ABLIM1: variants seen among roughly 807,000 people sequenced by gnomAD.
ABLIM1 encodes actin binding LIM protein 1.
In ABLIM1, 40 loss-of-function variants were observed where a neutral mutation model predicts 107.0. That is an observed-to-expected ratio of 0.37 (90% CI 0.29 to 0.49). The LOEUF (loss-of-function observed/expected upper bound fraction) is 0.49, where lower values mean the gene tolerates loss of function less well. Among genes scored for constraint, ABLIM1 ranks in the 20% least tolerant of loss-of-function variants. The pLI is 0.97. For missense variants in ABLIM1, 857 were observed against 1,008.5 expected, an observed-to-expected ratio of 0.85 and a Z score of 2.04; for synonymous variants, 357 against 357.3, an observed-to-expected ratio of 1.00 and a Z score of 0.01.
At chr10:114,728,342 C>T (rs1017447049) in intron 1 of ABLIM1, among the ~76,000 whole-genome samples, 2 of 152,022 alleles carry the variant, frequency 1.3e-5, no homozygotes, top group Admixed American at 6.6e-5. Context: ...TGCACAAATC[C>T]GAAACCCCAA....
the ABLIM1 span, among the ~76,000 whole-genome samples, chr10:114,773,758 A>G: frequency 6.6e-6 from 1 of 152,092 alleles, no homozygotes; most frequent in Non-Finnish European, 1.5e-5. Context: ...TTGCATGAAC[A>G]GCAAAAATAT....
intron 7 of ABLIM1, 129 bp from the exon 8 acceptor site, chr10:114,488,145 C>A: frequency 1.0e-6 from 1 of 966,392 alleles, no homozygotes; most frequent in Non-Finnish European, 1.6e-6. Flanking sequence ...GCTTTATGTC[C>A]AAGTGAATCA....
chr10:114,745,017 C>T (rs190764435), intron 1 of ABLIM1, among the ~76,000 whole-genome samples: 15 of 152,222 alleles, frequency 9.9e-5, no homozygotes, highest in Non-Finnish European at 2.1e-4. Flanking sequence ...AGAAACAGCA[C>T]CACAACCCCC....
chr10:114,747,662 C>A (rs928007650), intron 1 of ABLIM1, among the ~76,000 whole-genome samples: 1 of 152,226 alleles, frequency 6.6e-6, no homozygotes, highest in Non-Finnish European at 1.5e-5. Flanking sequence ...TGCAAGTATA[C>A]AAATGATCCA....
intron 18 of ABLIM1, 70 bp from the exon 19 acceptor site, chr10:114,441,147 A>T (rs929980101): frequency 6.8e-7 from 1 of 1,461,872 alleles, no homozygotes; most frequent in Non-Finnish European, 9.2e-7. Flanking sequence ...GAAAAGGAAG[A>T]AAGAGTTTAC....
At chr10:114,458,768 C>T (rs1415134040) in intron 12 of ABLIM1, among the ~76,000 whole-genome samples, 4 of 152,194 alleles carry the variant, frequency 2.6e-5, no homozygotes, top group Non-Finnish European at 5.9e-5. Flanking sequence ...CCAATTTATA[C>T]TTCATGGACA....
At chr10:114,780,738 GC>G in the ABLIM1 span, among the ~76,000 whole-genome samples, 1 of 152,142 alleles carries the variant, frequency 6.6e-6, no homozygotes, top group Non-Finnish European at 1.5e-5. Context: ...ACAGGTCAAA[GC>G]TTTCTTACTT....
At chr10:114,513,785 T>G (rs1169450135) in intron 6 of ABLIM1, among the ~76,000 whole-genome samples, 1 of 152,236 alleles carries the variant, frequency 6.6e-6, no homozygotes, top group Non-Finnish European at 1.5e-5. Context: ...AAGGTGTCGA[T>G]GCCAACACTA....
At chr10:114,463,248 T>C (rs2064335406) in intron 12 of ABLIM1, 1 of 1,182,454 alleles carries the variant, frequency 8.5e-7, no homozygotes, top group African/African-American at 1.6e-5. Context: ...GAAAGTGCCA[T>C]CGTTCCAAGG....
At chr10:114,488,112 C>T in intron 7 of ABLIM1, 96 bp from the exon 8 acceptor site, 1 of 1,275,622 alleles carries the variant, frequency 7.8e-7, no homozygotes, top group Non-Finnish European at 1.1e-6. Flanking sequence ...ATCCCTCTTT[C>T]CCCATCATAG....
chr10:114,680,526 C>A (rs1397442941), intron 1 of ABLIM1, among the ~76,000 whole-genome samples: 1 of 152,176 alleles, frequency 6.6e-6, no homozygotes, highest in Non-Finnish European at 1.5e-5. Flanking sequence ...AATCCCCAAT[C>A]CTCTGTGGCT....
the ABLIM1 span, among the ~76,000 whole-genome samples, chr10:114,788,746 C>CAAACA: frequency 5.4e-4 from 81 of 151,278 alleles, no homozygotes; most frequent in African/African-American, 1.9e-3. Context: ...AACAAACAAA[C>CAAACA]AAACAAAACA....
Position 114,602,563 on chromosome 10 carries a change from C to T in ABLIM1, c.245-602G>A, listed in dbSNP as rs149618051. 3.9e-5 allele frequency among the ~76,000 whole-genome samples: 6 copies of T among 152,328 alleles called. No homozygotes were observed. The East Asian group carries it at 1.2e-3, about 29-fold the overall frequency. ...CGATCATAAATGGCAACTCATCTAA[C>T]CTGTTGCAGGCCTATGATGAGCCTC... On this transcript the variant is annotated intron_variant, in intron 1 of 22. Coordinates refer to ENST00000533213, the MANE Select transcript of ABLIM1 (RefSeq NM_002313.7).
At position 114,488,001 on chromosome 10, in the gene ABLIM1, T is replaced by A; in HGVS notation, c.998A>T (p.His333Leu). ...CTTCGTAGATTGCTTACAGTCGGGATGCCAAACGGTGGAGCCTGAGAAGAC... is the reference window on the plus strand; with the variant it reads ...CTTCGTAGATTGCTTACAGTCGGGAAGCCAAACGGTGGAGCCTGAGAAGAC... ...EMYLQGSTVW[H>L]PDCKQSTKTE... The change falls in exon 8 of 23, where the codon CAT (histidine) becomes CTT (leucine). Residue 333 changes from histidine to leucine, a missense_variant. Around this residue, in one of 5 missense-constraint regions of ABLIM1, gnomAD observed 381 missense variants for 506.9 expected, o/e 0.75. Transcript: ENST00000533213. The A allele has an allele frequency of 6.2e-7, 1 of 1,614,188 alleles. No individual in the cohort carries two copies. Among genetic ancestry groups the A allele is most frequent in the Non-Finnish European group, 8.5e-7 (1 of 1,180,028 alleles).
At chr10:114,486,013 G>C (rs1028997330) in intron 8 of ABLIM1, among the ~76,000 whole-genome samples, 1 of 152,182 alleles carries the variant, frequency 6.6e-6, no homozygotes, top group Admixed American at 6.5e-5. Context: ...GTGACCCAGA[G>C]CACTGTCCTG....
intron 1 of ABLIM1, among the ~76,000 whole-genome samples, chr10:114,709,644 T>A (rs1186387912): frequency 6.6e-6 from 1 of 150,976 alleles, no homozygotes; most frequent in Non-Finnish European, 1.5e-5. Flanking sequence ...GGCGAAAGGT[T>A]CTTTTCTCTA....
chr10:114,461,753 A>G (rs777148431), intron 12 of ABLIM1, among the ~76,000 whole-genome samples: 1 of 152,122 alleles, frequency 6.6e-6, no homozygotes, highest in Non-Finnish European at 1.5e-5. Flanking sequence ...TGGGAAGTGG[A>G]GGTTGCAGTG....
chr10:114,491,550 A>G (rs1026631713), intron 7 of ABLIM1, among the ~76,000 whole-genome samples: 1 of 152,052 alleles, frequency 6.6e-6, no homozygotes, highest in Non-Finnish European at 1.5e-5. Context: ...AGTTCCATTC[A>G]TTTGATTAAG....
At chr10:114,798,738 C>G in the ABLIM1 span, among the ~76,000 whole-genome samples, 2 of 152,074 alleles carry the variant, frequency 1.3e-5, no homozygotes, top group South Asian at 4.1e-4. Context: ...AAGACCCTGT[C>G]TCTATAAAAA....
Sources: allele counts gnomAD v4.1 joint callset (sites outside exome capture counted in the v4.1 genomes callset), GRCh38; gene constraint gnomAD v4.1.1; regional missense constraint gnomAD v4.1.1; transcripts MANE v1.5; gene names NCBI Gene and HGNC (gene_info 2026-07-23, HGNC 2026-07-21).